The following FBXO11 variants were observed in gnomAD, a reference collection of about 807,000 sequenced individuals.
FBXO11 encodes the protein F-box protein 11.
Under a neutral mutation model 117.0 loss-of-function variants are expected in FBXO11, and 13 were observed. The ratio of observed to expected loss-of-function variants is 0.11; its 90% CI spans 0.07 to 0.18. The LOEUF is 0.18. Ranked by LOEUF, FBXO11 falls within the 10% of genes least tolerant of loss-of-function variation. The pLI is 1.00. For synonymous variants in FBXO11, 490 were observed against 380.5 expected (o/e 1.29, Z -3.35); for missense variants, 767 against 1,164.4 (o/e 0.66, Z 4.97).
chr2:47,905,373 G>A (rs1035327641), intron 1 of FBXO11, 116 bp downstream of exon 1: 4 of 1,019,630 alleles, frequency 3.9e-6, no homozygotes, highest in African/African-American at 3.4e-5. Context: ...CTCAGCTTGG[G>A]TCTCCCACCC....
chr2:47,834,336 C>G (rs752793051), intron 7 of FBXO11, among the ~76,000 whole-genome samples: 1 of 151,430 alleles, frequency 6.6e-6, no homozygotes, highest in East Asian at 1.9e-4. Flanking sequence ...AGTGACATAG[C>G]TAGACTCTGC....
chr2:47,878,668 T>G (rs1676198733), intron 1 of FBXO11, among the ~76,000 whole-genome samples: 1 of 152,002 alleles, frequency 6.6e-6, no homozygotes, highest in Non-Finnish European at 1.5e-5. Context: ...AGCATTTTTT[T>G]TTTTTTTTTA....
chr2:47,808,311 A>C lies in FBXO11; in HGVS notation c.2654+18T>G. ...GGGAAAGTAATTGGGTAATATATCAAGCAAGTGTGCTACATACCTATCATG... is the reference window on the plus strand; with the variant it reads ...GGGAAAGTAATTGGGTAATATATCACGCAAGTGTGCTACATACCTATCATG... On this transcript the variant is annotated intron_variant, in intron 22 of 22. Coordinates refer to ENST00000403359, the MANE Select transcript of FBXO11 (RefSeq NM_001190274.2). 3 of 1,612,504 alleles carry C rather than the reference A, an allele frequency of 1.9e-6. No individual in the cohort carries two copies. Among genetic ancestry groups the C allele is most frequent in the Non-Finnish European group, 2.5e-6 (3 of 1,179,360 alleles).
At chr2:47,824,152 A>C (rs774112575) in intron 11 of FBXO11, among the ~76,000 whole-genome samples, 5 of 152,248 alleles carry the variant, frequency 3.3e-5, no homozygotes, top group Admixed American at 6.5e-5. Context: ...CTTCAACAAA[A>C]GGTTAAAGTC....
intron 1 of FBXO11, among the ~76,000 whole-genome samples, chr2:47,899,902 A>G (rs768634088): frequency 2.0e-5 from 3 of 151,746 alleles, no homozygotes; most frequent in African/African-American, 4.8e-5. Context: ...ATGTTGAAAT[A>G]GCTCATTACT....
intron 1 of FBXO11, among the ~76,000 whole-genome samples, chr2:47,889,327 T>C (rs982341716): frequency 4.6e-5 from 7 of 152,240 alleles, no homozygotes; most frequent in African/African-American, 1.4e-4. Flanking sequence ...CTAGAATCTA[T>C]ACTTACTGAT....
chr2:47,853,551 A>C (rs1392351523), intron 1 of FBXO11, among the ~76,000 whole-genome samples: 1 of 152,130 alleles, frequency 6.6e-6, no homozygotes, highest in African/African-American at 2.4e-5. Context: ...ACAAGCTCAA[A>C]AAAAACTGGC....
At chr2:47,901,030 TAC>T (rs1287010639) in intron 1 of FBXO11, among the ~76,000 whole-genome samples, 2 of 139,302 alleles carry the variant, frequency 1.4e-5, no homozygotes, top group Non-Finnish European at 3.1e-5. Context: ...TGTATATATA[TAC>T]ACACGTGTGT....
In FBXO11 at chr2:47,900,688, A is replaced by G. The variant is rs562790381; in HGVS notation, c.232+4801T>C. On this transcript the variant is annotated intron_variant, in intron 1 of 22. Coordinates refer to ENST00000403359, the MANE Select transcript of FBXO11 (RefSeq NM_001190274.2). ...CGTACGTATATACACACGTATACAC[A>G]CACGTATACACACACGTGTATATAT... Among the ~76,000 whole-genome samples the G allele has an allele frequency of 9.3e-4, 114 of 122,604 alleles. 7 individuals are homozygous for G. Among genetic ancestry groups the G allele is most frequent in the African/African-American group, 3.5e-3 (110 of 31,454 alleles). 80.4% of individuals were successfully genotyped at this position (122,604 alleles called of 152,430 possible). A position where few individuals can be genotyped will look rare whatever the true frequency, so the allele number is the denominator to read the frequency against.
At chr2:47,899,686 A>T (rs1174606814) in intron 1 of FBXO11, among the ~76,000 whole-genome samples, 1 of 152,204 alleles carries the variant, frequency 6.6e-6, no homozygotes, top group Admixed American at 6.5e-5. Flanking sequence ...TTCACAGGGT[A>T]GCAACTACAA....
chr2:47,848,138 AC>A lies in FBXO11; in HGVS notation c.233-8370del, dbSNP rs1050959884. Among the ~76,000 whole-genome samples the A allele has an allele frequency of 1.1e-4, 16 of 146,248 alleles. No individual in the cohort carries two copies. The East Asian group carries it at 1.4e-3, about 12-fold the overall frequency. ...GACCCCATCTCAAAAAAACAAACAAACAAACAAAAAAACAACCAAACACACA... is the reference window on the plus strand; with the variant it reads ...GACCCCATCTCAAAAAAACAAACAAAAAACAAAAAAACAACCAAACACACA... On this transcript the variant is annotated intron_variant, in intron 1 of 22. Coordinates refer to ENST00000403359, the MANE Select transcript of FBXO11 (RefSeq NM_001190274.2).
In FBXO11 at chr2:47,904,559, C is replaced by G. The variant is rs568946164; in HGVS notation, c.232+930G>C. 1.1e-4 allele frequency among the ~76,000 whole-genome samples: 17 copies of G among 148,992 alleles called. No individual in the cohort carries two copies. In the South Asian group the frequency reaches 3.4e-3, roughly 30 times the overall value. The stretch of plus-strand genomic sequence containing the variant: ...ACATTTCACTAGGCCTTGGACACAA[C>G]ACACACACGCGCGCGCGCGCAAACA... On this transcript the variant is annotated intron_variant, in intron 1 of 22. Coordinates refer to ENST00000403359, the MANE Select transcript of FBXO11 (RefSeq NM_001190274.2).
chr2:47,852,725 C>A (rs927894293), intron 1 of FBXO11, among the ~76,000 whole-genome samples: 2 of 152,190 alleles, frequency 1.3e-5, no homozygotes, highest in African/African-American at 4.8e-5. Context: ...GTACCTAACA[C>A]TTACTGAAAA....
intron 4 of FBXO11, among the ~76,000 whole-genome samples, chr2:47,838,298 T>C (rs1672745887): frequency 6.6e-6 from 1 of 152,168 alleles, no homozygotes; most frequent in Admixed American, 6.5e-5. Flanking sequence ...ACTCTCCAAG[T>C]ACACATTACA....
At chr2:47,902,920 A>T (rs1337055593) in intron 1 of FBXO11, among the ~76,000 whole-genome samples, 2 of 137,206 alleles carry the variant, frequency 1.5e-5, no homozygotes, top group Admixed American at 1.5e-4. Flanking sequence ...GTAAAAGGTT[A>T]AAAAAAAAAA....
Position 47,902,543 on chromosome 2 carries a change from A to C in FBXO11, c.232+2946T>G, listed in dbSNP as rs538405392. Among the ~76,000 whole-genome samples, 10 of 152,292 alleles carry C rather than the reference A, an allele frequency of 6.6e-5. No homozygotes were observed. The South Asian group carries it at 1.0e-3, about 16-fold the overall frequency. On this transcript the variant is annotated intron_variant, in intron 1 of 22. Coordinates refer to ENST00000403359, the MANE Select transcript of FBXO11 (RefSeq NM_001190274.2). ...ACACACACACATAATGTATGTACAA[A>C]CATGTATATACACAAATATACCCAC...
rs147464160 is a variant in FBXO11 at position 47,901,890 on chromosome 2, T to C, written c.232+3599A>G. 3.3e-5 allele frequency among the ~76,000 whole-genome samples: 5 copies of C among 152,360 alleles called. No homozygotes were observed. The East Asian group carries it at 7.7e-4, about 23-fold the overall frequency. On this transcript the variant is annotated intron_variant, in intron 1 of 22. Transcript: ENST00000403359. ...TCAAAAATCCAATCCCACACTACTGTTTCATTAAATCATGGACTATATTAC... is the reference window on the plus strand; with the variant it reads ...TCAAAAATCCAATCCCACACTACTGCTTCATTAAATCATGGACTATATTAC...
chr2:47,880,220 C>T (rs915308839), intron 1 of FBXO11, among the ~76,000 whole-genome samples: 1 of 152,176 alleles, frequency 6.6e-6, no homozygotes, highest in Non-Finnish European at 1.5e-5. Context: ...TGGTCTCAAA[C>T]TCCTTGGCTC....
intron 1 of FBXO11, among the ~76,000 whole-genome samples, chr2:47,899,823 G>T (rs1476960931): frequency 3.3e-5 from 5 of 151,980 alleles, no homozygotes; most frequent in African/African-American, 4.8e-5. Context: ...AAGATAAGTG[G>T]GACAAGACAG....
Sources: allele counts gnomAD v4.1 joint callset (sites outside exome capture counted in the v4.1 genomes callset), GRCh38; gene constraint gnomAD v4.1.1; transcripts MANE v1.5; gene names NCBI Gene and HGNC (gene_info 2026-07-23, HGNC 2026-07-21).